The following COBLL1 variants were observed in gnomAD, a reference collection of about 807,000 sequenced individuals.
COBLL1 encodes cordon-bleu WH2 repeat protein like 1.
In COBLL1, 50 loss-of-function variants were observed where a neutral mutation model predicts 94.8. That is an observed-to-expected ratio of 0.53 (90% confidence interval 0.42 to 0.67). COBLL1 has a LOEUF of 0.67. Among genes scored for constraint, COBLL1 ranks in the 30% least tolerant of loss-of-function variants. The pLI, the probability that COBLL1 is intolerant of heterozygous loss-of-function variation, is 0.00. For missense variants in COBLL1, 1,362 were observed against 1,348.7 expected, an observed-to-expected ratio of 1.01 and a Z score of -0.15; for synonymous variants, 448 against 473.8, an observed-to-expected ratio of 0.95 and a Z score of 0.71.
chr2:164,697,781 G>T (rs2105437576), intron 11 of COBLL1: 1 of 152,190 alleles, frequency 6.6e-6, no homozygotes, highest in Middle Eastern at 3.4e-3. Context: ...GTGATTGGCA[G>T]TCCTGGAAAC....
chr2:164,773,829 C>T (rs1688331495), intron 2 of COBLL1: 9 of 1,022,622 alleles, frequency 8.8e-6, no homozygotes, highest in Non-Finnish European at 1.0e-5. Flanking sequence ...GTGTAAGCGC[C>T]AGGCACTTCT....
intron 2 of COBLL1, chr2:164,837,357 TTACTAAG>T (rs1250415252): frequency 1.6e-5 from 6 of 371,916 alleles, no homozygotes; most frequent in African/African-American, 1.3e-4. Flanking sequence ...TAATGTCACT[TTACTAAG>T]TACTAATATA....
intron 2 of COBLL1, among the ~76,000 whole-genome samples, chr2:164,761,642 A>G (rs905441900): frequency 2.6e-5 from 4 of 152,196 alleles, no homozygotes; most frequent in Non-Finnish European, 5.9e-5. Flanking sequence ...ATGCTTTTAT[A>G]TGAAATAATT....
At chr2:164,751,521 T>C (rs111835965) in intron 2 of COBLL1, among the ~76,000 whole-genome samples, 1,633 of 152,250 alleles carry the variant, frequency 0.011, 29 homozygotes, top group African/African-American at 0.038. Context: ...ATTCAAGTCA[T>C]TCATGAATAT....
intron 2 of COBLL1, among the ~76,000 whole-genome samples, chr2:164,800,780 G>A (rs1192534989): frequency 6.6e-6 from 1 of 152,008 alleles, no homozygotes; most frequent in South Asian, 2.1e-4. Flanking sequence ...GCATTATACC[G>A]AGTGAAAAAA....
chr2:164,806,158 GAA>G (rs961585003), intron 2 of COBLL1, among the ~76,000 whole-genome samples: 1 of 145,464 alleles, frequency 6.9e-6, no homozygotes, highest in Non-Finnish European at 1.5e-5. Flanking sequence ...AAAAGGGAAG[GAA>G]AAAAAAAAAC....
chr2:164,805,329 C>CATATA (rs1684056506), intron 2 of COBLL1, among the ~76,000 whole-genome samples: 1 of 22,668 alleles, frequency 4.4e-5, no homozygotes, highest in Non-Finnish European at 8.3e-5. Context: ...CTCTCTCTCT[C>CATATA]TCTCTCTCTA....
intron 2 of COBLL1, among the ~76,000 whole-genome samples, chr2:164,793,422 T>C (rs1393419876): frequency 6.6e-6 from 1 of 152,196 alleles, no homozygotes; most frequent in Non-Finnish European, 1.5e-5. Flanking sequence ...TAAATTTAAT[T>C]CTTTAACAAA....
chr2:164,820,246 G>T (rs1685098843), intron 2 of COBLL1, among the ~76,000 whole-genome samples: 1 of 152,064 alleles, frequency 6.6e-6, no homozygotes, highest in African/African-American at 2.4e-5. Context: ...TTGAGACAAG[G>T]TCTCACTCTG....
At chr2:164,755,797 A>C (rs1687366810) in intron 2 of COBLL1, among the ~76,000 whole-genome samples, 1 of 152,152 alleles carries the variant, frequency 6.6e-6, no homozygotes, top group South Asian at 2.1e-4. Context: ...TGCCCTTTTA[A>C]ATTCATGTAA....
intron 3 of COBLL1, among the ~76,000 whole-genome samples, chr2:164,731,391 T>G (rs560321631): frequency 2.6e-5 from 4 of 152,318 alleles, no homozygotes; most frequent in Non-Finnish European, 4.4e-5. Flanking sequence ...ACTTACCAAT[T>G]TTTTGCTTCC....
At chr2:164,800,592 G>T in intron 2 of COBLL1, 1 of 701,474 alleles carries the variant, frequency 1.4e-6, no homozygotes, top group Non-Finnish European at 2.6e-6. Context: ...TTTTGTACTT[G>T]AAATGAAAAT....
chr2:164,785,092 G>A (rs889560376), intron 2 of COBLL1, among the ~76,000 whole-genome samples: 6 of 152,120 alleles, frequency 3.9e-5, no homozygotes, highest in Non-Finnish European at 7.3e-5. Flanking sequence ...CAGATGTCCA[G>A]GCCTTGATCT....
intron 2 of COBLL1, among the ~76,000 whole-genome samples, chr2:164,790,330 T>C (rs1683124442): frequency 6.6e-6 from 1 of 152,162 alleles, no homozygotes; most frequent in Non-Finnish European, 1.5e-5. Context: ...CCCTGAGCTG[T>C]TGGGTTATGC....
intron 2 of COBLL1, among the ~76,000 whole-genome samples, chr2:164,814,551 TATACTGACG>T (rs1684622079): frequency 6.6e-6 from 1 of 152,194 alleles, no homozygotes; most frequent in Non-Finnish European, 1.5e-5. Flanking sequence ...TCAATGTATG[TATACTGACG>T]GAGAGTAAAA....
intron 9 of COBLL1, among the ~76,000 whole-genome samples, chr2:164,704,233 T>G (rs948228409): frequency 2.0e-5 from 3 of 152,172 alleles, no homozygotes; most frequent in Non-Finnish European, 4.4e-5. Context: ...ATTCCAGAAC[T>G]GAAATTTTGA....
chr2:164,710,347 A>G (rs2105470052), intron 7 of COBLL1, among the ~76,000 whole-genome samples: 1 of 152,302 alleles, frequency 6.6e-6, no homozygotes, highest in African/African-American at 2.4e-5. Context: ...AGGAAAGCAC[A>G]TGTATACACT....
rs150142940 is a variant in COBLL1 at position 164,700,538 on chromosome 2, T to G, written c.1444A>C (p.Lys482Gln). 2 of 1,612,348 alleles carry G rather than the reference T, an allele frequency of 1.2e-6. No homozygotes were observed. The highest frequency in any genetic ancestry group is 1.7e-6 in the Non-Finnish European group (2 of 1,178,670). Residue 482 changes from lysine to glutamine, a missense_variant, in exon 10 of 14, where the codon AAA becomes CAA. Physicochemically the swap from Lys to Gln is moderately conservative, Grantham distance 53. Coordinates refer to ENST00000652658, the MANE Select transcript of COBLL1 (RefSeq NM_001365672.2). ...QNSMEEKQETKSTDGQEPHSV... is the reference protein window; with the variant it reads ...QNSMEEKQETQSTDGQEPHSV... Reference sequence around the variant, plus strand: ...ACTACTTACTGTCCATCTGTGCTTTTAGTTTCTTGTTTTTCTTCCATGGAG... The same window carrying G: ...ACTACTTACTGTCCATCTGTGCTTTGAGTTTCTTGTTTTTCTTCCATGGAG...
intron 5 of COBLL1, among the ~76,000 whole-genome samples, chr2:164,727,397 A>G (rs1685768938): frequency 6.6e-6 from 1 of 152,068 alleles, no homozygotes; most frequent in Non-Finnish European, 1.5e-5. Flanking sequence ...ACAAACCAGC[A>G]TTATCTAAGA....
Sources: gnomAD v4.1 joint callset for allele counts (sites outside exome capture counted in the v4.1 genomes callset) on GRCh38, gnomAD v4.1.1 for gene constraint, MANE v1.5 for transcripts, NCBI Gene and HGNC (gene_info 2026-07-23, HGNC 2026-07-21) for gene names.